Variants in MEMO1 observed in about 807,000 individuals in gnomAD.
MEMO1 encodes the protein mediator of cell motility 1.
MEMO1 carries 6 observed loss-of-function variants against 45.2 expected under a neutral mutation model. That is an observed-to-expected ratio of 0.13 (90% CI 0.07 to 0.26). MEMO1 has a LOEUF of 0.26. Ranked by LOEUF, MEMO1 falls within the 10% of genes least tolerant of loss-of-function variation. The pLI is 1.00. For synonymous variants in MEMO1, 78 were observed against 124.3 expected (o/e 0.63, Z 2.48); for missense variants, 184 against 370.5 (o/e 0.50, Z 4.13).
intron 6 of MEMO1, among the ~76,000 whole-genome samples, chr2:31,917,257 C>T (rs980545176): frequency 2.6e-5 from 4 of 152,194 alleles, no homozygotes; most frequent in African/African-American, 7.2e-5. Context: ...GAGAAACCTA[C>T]AAAAGAGAAG....
At chr2:31,981,481 C>G (rs547973204) in intron 2 of MEMO1, among the ~76,000 whole-genome samples, 27 of 152,294 alleles carry the variant, frequency 1.8e-4, no homozygotes, top group Admixed American at 1.6e-3. Context: ...AAATAATCAC[C>G]AAACAAATGT....
rs142652662 is a variant in MEMO1, at chr2:31,874,931, A to G, written c.658-4979T>C. Among the ~76,000 whole-genome samples the G allele has an allele frequency of 4.7e-3, 714 of 152,146 alleles. 7 individuals carry two copies. Among genetic ancestry groups the G allele is most frequent in the African/African-American group, 0.016 (679 of 41,578 alleles). The stretch of plus-strand genomic sequence containing the variant: ...ACAGCAAGTGTACATATATATATAC[A>G]TAGGTAATATAAACACACCTAAGTT... On this transcript the variant is annotated intron_variant, in intron 8 of 9. Transcript: ENST00000404530.
At chr2:32,002,435 A>G (rs1673522977) in intron 2 of MEMO1, among the ~76,000 whole-genome samples, 1 of 151,194 alleles carries the variant, frequency 6.6e-6, no homozygotes, top group Non-Finnish European at 1.5e-5. Context: ...ATACACACAT[A>G]TACATAATAT....
intron 6 of MEMO1, among the ~76,000 whole-genome samples, chr2:31,903,563 C>T (rs1052573350): frequency 1.3e-5 from 2 of 152,070 alleles, no homozygotes; most frequent in African/African-American, 2.4e-5. Flanking sequence ...ATTCCATTAC[C>T]ACCAACAAAG....
At chr2:32,000,416 G>A (rs1023729658) in intron 2 of MEMO1, among the ~76,000 whole-genome samples, 2 of 151,844 alleles carry the variant, frequency 1.3e-5, no homozygotes, top group Non-Finnish European at 2.9e-5. Context: ...ATTTTTAGTA[G>A]AGACGGGGTT....
intron 2 of MEMO1, among the ~76,000 whole-genome samples, chr2:31,981,820 A>G (rs1018384122): frequency 6.6e-6 from 1 of 152,260 alleles, no homozygotes; most frequent in Non-Finnish European, 1.5e-5. Flanking sequence ...GAAATTATCT[A>G]TACATACACA....
intron 7 of MEMO1, among the ~76,000 whole-genome samples, chr2:31,888,590 A>T (rs767466390): frequency 6.6e-5 from 10 of 152,136 alleles, no homozygotes; most frequent in Non-Finnish European, 1.3e-4. Flanking sequence ...AAGCACAAAA[A>T]GTATTGGAAC....
intron 2 of MEMO1, among the ~76,000 whole-genome samples, chr2:31,949,874 T>C (rs1183505497): frequency 6.6e-6 from 1 of 150,914 alleles, no homozygotes; most frequent in East Asian, 1.9e-4. Context: ...TATCAAAACA[T>C]CTCATGTACC....
chr2:31,969,396 T>C (rs1463979425), intron 2 of MEMO1, among the ~76,000 whole-genome samples: 1 of 146,806 alleles, frequency 6.8e-6, no homozygotes, highest in African/African-American at 2.5e-5. Flanking sequence ...TATATATACG[T>C]GTATATACAT....
At chr2:31,955,873 G>A (rs1168790088) in intron 2 of MEMO1, among the ~76,000 whole-genome samples, 5 of 152,116 alleles carry the variant, frequency 3.3e-5, no homozygotes, top group South Asian at 4.1e-4. Flanking sequence ...CTCCCAAAGC[G>A]CTGGTAGTAC....
chr2:31,872,906 T>C (rs1334969411), intron 8 of MEMO1, among the ~76,000 whole-genome samples: 3 of 152,078 alleles, frequency 2.0e-5, no homozygotes, highest in Non-Finnish European at 2.9e-5. Flanking sequence ...AAAGCAATAA[T>C]GATAAAATTT....
chr2:31,914,597 G>A (rs1230628601), intron 6 of MEMO1, among the ~76,000 whole-genome samples: 1 of 151,882 alleles, frequency 6.6e-6, no homozygotes, highest in Non-Finnish European at 1.5e-5. Context: ...AACTTCTCAT[G>A]TACCCCATAT....
rs1289994061 is a variant in MEMO1, at chr2:31,920,953, T to C, written c.213-43A>G. 3.2e-6 allele frequency: 4 copies of C among 1,243,062 alleles called. No homozygotes were observed. The South Asian group carries it at 5.1e-5, about 16-fold the overall frequency. 77.0% of individuals were successfully genotyped at this position (1,243,062 alleles called of 1,614,324 possible). A position where few individuals can be genotyped will look rare whatever the true frequency, so the allele number is the denominator to read the frequency against. ...AAAAAACACGTAACAATTGCACTTC[T>C]ACACAAACCTTATTAAATAAAAGAG... On this transcript the variant is annotated intron_variant, in intron 4 of 9. Coordinates refer to ENST00000404530, the MANE Select transcript of MEMO1 (RefSeq NM_001301833.4).
intron 8 of MEMO1, among the ~76,000 whole-genome samples, chr2:31,876,265 CT>C (rs1258747221): frequency 6.6e-6 from 1 of 152,110 alleles, no homozygotes; most frequent in Non-Finnish European, 1.5e-5. Flanking sequence ...GCAACTTCTC[CT>C]GTCTAAAATG....
chr2:31,908,040 C>T (rs1680023128), intron 6 of MEMO1, among the ~76,000 whole-genome samples: 3 of 152,078 alleles, frequency 2.0e-5, no homozygotes, highest in African/African-American at 7.2e-5. Context: ...ACAACCACCA[C>T]AAAATAGCAA....
intron 2 of MEMO1, among the ~76,000 whole-genome samples, chr2:32,000,913 C>G (rs1673222983): frequency 6.6e-6 from 1 of 152,022 alleles, no homozygotes; most frequent in South Asian, 2.1e-4. Flanking sequence ...TAGTCTGTTT[C>G]ATCCCCTGCT....
chr2:31,962,541 A>G (rs1668127736), intron 2 of MEMO1, among the ~76,000 whole-genome samples: 1 of 152,266 alleles, frequency 6.6e-6, no homozygotes, highest in Non-Finnish European at 1.5e-5. Flanking sequence ...ACACTGACAG[A>G]GTAAACACCA....
intron 2 of MEMO1, among the ~76,000 whole-genome samples, chr2:31,976,035 T>C (rs1669965854): frequency 6.6e-6 from 1 of 152,160 alleles, no homozygotes; most frequent in Non-Finnish European, 1.5e-5. Flanking sequence ...GGATTCCAGA[T>C]GTGCACCACC....
At chr2:31,967,068 C>A (rs1242118677) in intron 2 of MEMO1, among the ~76,000 whole-genome samples, 1 of 151,414 alleles carries the variant, frequency 6.6e-6, no homozygotes, top group South Asian at 2.1e-4. Flanking sequence ...ATAAAAATTG[C>A]TGTGTGAGAA....
Sources: allele counts gnomAD v4.1 joint callset (sites outside exome capture counted in the v4.1 genomes callset), GRCh38; gene constraint gnomAD v4.1.1; transcripts MANE v1.5; gene names NCBI Gene and HGNC (gene_info 2026-07-23, HGNC 2026-07-21).